Variants in LMBR1 observed in about 807,000 individuals in gnomAD.
The protein encoded by LMBR1 is limb region 1 protein homolog.
Under a neutral mutation model 73.9 loss-of-function variants are expected in LMBR1, and 52 were observed. The ratio of observed to expected loss-of-function variants is 0.70; its 90% confidence interval spans 0.56 to 0.89. The LOEUF (loss-of-function observed/expected upper bound fraction) is 0.89, where lower values mean the gene tolerates loss of function less well. Ranked by LOEUF, LMBR1 falls within the 40% of genes least tolerant of loss-of-function variation. The pLI is 0.00. For synonymous variants in LMBR1, 215 were observed against 209.4 expected, an observed-to-expected ratio of 1.03 and a Z score of -0.23; for missense variants, 539 against 579.8, an observed-to-expected ratio of 0.93 and a Z score of 0.72.
chr7:156,762,316 T>C, intron 7 of LMBR1, 118 bp from the exon 8 acceptor site: 1 of 675,714 alleles, frequency 1.5e-6, no homozygotes, highest in Non-Finnish European at 2.7e-6. Flanking sequence ...AAGAACATTC[T>C]TCTCTCCAAC....
At chr7:156,684,448 C>G (rs1805588852) in intron 16 of LMBR1, among the ~76,000 whole-genome samples, 1 of 152,130 alleles carries the variant, frequency 6.6e-6, no homozygotes, top group Admixed American at 6.5e-5. Flanking sequence ...CAGTGGAGCT[C>G]TGAAGGGCCA....
At chr7:156,715,520 A>G (rs185483025) in intron 15 of LMBR1, among the ~76,000 whole-genome samples, 2 of 152,274 alleles carry the variant, frequency 1.3e-5, no homozygotes, top group African/African-American at 4.8e-5. Context: ...GACCAATTTA[A>G]CCATTTTTAA....
intron 3 of LMBR1, among the ~76,000 whole-genome samples, chr7:156,827,990 C>CT (rs1563468971): frequency 6.6e-6 from 1 of 152,236 alleles, no homozygotes; most frequent in Non-Finnish European, 1.5e-5. Context: ...CAGACAAGTG[C>CT]TGTCTCAGGT....
At chr7:156,803,887 G>A (rs373990592) in intron 4 of LMBR1, among the ~76,000 whole-genome samples, 4,588 of 149,302 alleles carry the variant, frequency 0.031, 100 homozygotes, top group South Asian at 0.075. Context: ...GCAAACTATC[G>A]CAAGGACAAA....
In LMBR1 at chr7:156,693,305, T is replaced by C. The variant is rs541733663; in HGVS notation, c.1226-5114A>G. 7.9e-5 allele frequency among the ~76,000 whole-genome samples: 12 copies of C among 151,234 alleles called. No homozygotes were observed. The South Asian group carries it at 2.5e-3, about 32-fold the overall frequency. On this transcript the variant is annotated intron_variant, in intron 15 of 16. Coordinates refer to ENST00000353442, the MANE Select transcript of LMBR1 (RefSeq NM_022458.4). ...CCCAAAGTTAGCAGAAGAAAGAAAA[T>C]AATAAAGACTGAAGCAGAAATAAAT...
intron 3 of LMBR1, among the ~76,000 whole-genome samples, chr7:156,832,013 T>C (rs1836782218): frequency 6.6e-6 from 1 of 152,138 alleles, no homozygotes; most frequent in Non-Finnish European, 1.5e-5. Flanking sequence ...AGCTCTAATT[T>C]ATACAGAGGA....
intron 9 of LMBR1, among the ~76,000 whole-genome samples, chr7:156,749,878 C>G (rs769281749): frequency 6.6e-6 from 1 of 151,954 alleles, no homozygotes; most frequent in Non-Finnish European, 1.5e-5. Flanking sequence ...TAATAGAGAC[C>G]GGGTTTCACC....
chr7:156,784,569 C>A (rs1827740509), intron 5 of LMBR1, among the ~76,000 whole-genome samples: 1 of 152,158 alleles, frequency 6.6e-6, no homozygotes, highest in African/African-American at 2.4e-5. Context: ...AGTAGCAGAG[C>A]CACATGGTTT....
At position 156,713,010 on chromosome 7, in the gene LMBR1, C is replaced by T. The variant is rs960448971; in HGVS notation, c.1225+11102G>A. On this transcript the variant is annotated intron_variant, in intron 15 of 16. Coordinates refer to ENST00000353442, the MANE Select transcript of LMBR1 (RefSeq NM_022458.4). ...GCACTTGTACCCCTGTAAATTTATA[C>T]AAAAATAAATTAAACTGTGGTATAT... Among the ~76,000 whole-genome samples the T allele has an allele frequency of 4.6e-5, 7 of 151,940 alleles. No individual in the cohort carries two copies. In the East Asian group the frequency reaches 5.8e-4, roughly 13 times the overall value.
At chr7:156,733,589 G>T (rs546643911) in intron 10 of LMBR1, among the ~76,000 whole-genome samples, 19 of 152,052 alleles carry the variant, frequency 1.2e-4, no homozygotes, top group African/African-American at 4.6e-4. Flanking sequence ...CACAGCTATA[G>T]ACGCTAATCA....
chr7:156,698,036 T>C (rs894547713), intron 15 of LMBR1, among the ~76,000 whole-genome samples: 5 of 152,136 alleles, frequency 3.3e-5, no homozygotes, highest in African/African-American at 1.2e-4. Context: ...ATTGGGTAAA[T>C]ACAGCCATTC....
intron 4 of LMBR1, among the ~76,000 whole-genome samples, chr7:156,806,204 C>T (rs201633981): frequency 1.3e-5 from 2 of 152,128 alleles, no homozygotes; most frequent in East Asian, 3.9e-4. Context: ...TTAGGTCTCA[C>T]GCATCCCTAA....
intron 15 of LMBR1, 114 bp from the exon 16 acceptor site, chr7:156,688,305 G>T (rs922198206): frequency 1.5e-6 from 1 of 680,788 alleles, no homozygotes; most frequent in Non-Finnish European, 2.4e-6. Context: ...CTTCTGTGAC[G>T]TGAGATGCTC....
chr7:156,805,546 A>T (rs1275787321), intron 4 of LMBR1, among the ~76,000 whole-genome samples: 1 of 152,212 alleles, frequency 6.6e-6, no homozygotes, highest in African/African-American at 2.4e-5. Context: ...CTGTAGCTTT[A>T]AAAGAGTCTT....
intron 15 of LMBR1, among the ~76,000 whole-genome samples, chr7:156,690,910 G>C (rs993361875): frequency 4.6e-5 from 7 of 152,072 alleles, no homozygotes; most frequent in Admixed American, 1.3e-4. Flanking sequence ...GAGGTTTCTG[G>C]CATGGCAATA....
intron 1 of LMBR1, among the ~76,000 whole-genome samples, chr7:156,874,516 G>A (rs534839106): frequency 3.3e-5 from 5 of 152,356 alleles, no homozygotes; most frequent in South Asian, 2.1e-4. Context: ...CAGGGGAGGC[G>A]CCAAGAGCAA....
At chr7:156,719,121 T>C (rs2132296951) in intron 15 of LMBR1, among the ~76,000 whole-genome samples, 1 of 140,114 alleles carries the variant, frequency 7.1e-6, no homozygotes, top group Middle Eastern at 3.5e-3. Context: ...CTCCTAATGC[T>C]ATCCCCCCCC....
intron 4 of LMBR1, among the ~76,000 whole-genome samples, chr7:156,825,567 T>G (rs549376117): frequency 6.6e-6 from 1 of 152,170 alleles, no homozygotes; most frequent in East Asian, 1.9e-4. Context: ...ATTAAAACAT[T>G]AAAAAATAAA....
rs531578018 is a variant in LMBR1 at position 156,678,411 on chromosome 7, C to G, written c.*5667G>C. The G allele has an allele frequency of 6.6e-6, 1 of 152,194 alleles. No homozygotes were observed. Among genetic ancestry groups the G allele is most frequent in the Admixed American group, 6.5e-5 (1 of 15,284 alleles). The allele number at this position is 152,194 out of a possible 1,614,324, so 9.4% of individuals were successfully genotyped here. A position where few individuals can be genotyped will look rare whatever the true frequency, so the allele number is the denominator to read the frequency against. On this transcript the variant is annotated 3_prime_UTR_variant, in exon 17 of 17. Transcript: ENST00000353442. ...ACTGAAAAGTGGCCATGGAATGGCG[C>G]GCCCATCGAAAGCTTGCGAGACCAA...
Sources: allele counts gnomAD v4.1 joint callset (sites outside exome capture counted in the v4.1 genomes callset), GRCh38; gene constraint gnomAD v4.1.1; transcripts MANE v1.5; gene names NCBI Gene and HGNC (gene_info 2026-07-23, HGNC 2026-07-21).